Variants in MYO1F observed in about 807,000 individuals in gnomAD.
The protein encoded by MYO1F is unconventional myosin-If.
Under a neutral mutation model 146.6 loss-of-function variants are expected in MYO1F, and 60 were observed. The observed-to-expected ratio is 0.41, with a 90% confidence interval of 0.33 to 0.51. The LOEUF (loss-of-function observed/expected upper bound fraction) is 0.51, where lower values mean the gene tolerates loss of function less well. Among genes scored for constraint, MYO1F ranks in the 20% least tolerant of loss-of-function variants. The pLI is 0.25. For synonymous variants in MYO1F, 602 were observed against 602.1 expected (o/e 1.00, Z 0.00); for missense variants, 1,274 against 1,534.3 (o/e 0.83, Z 2.83).
In MYO1F at chr19:8,521,539, C is replaced by T. The variant is rs778479659; in HGVS notation, c.3286G>A (p.Glu1096Lys). 4.3e-6 allele frequency: 7 copies of T among 1,614,178 alleles called. No homozygotes were observed. Among genetic ancestry groups the T allele is most frequent in the Non-Finnish European group, 5.9e-6 (7 of 1,180,020 alleles). Reference protein sequence around the residue: ...QEGLFPGNYVEKI With the variant: ...QEGLFPGNYVKKI ...TCCCAGGGCCCAGCTCAGATCTTCT[C>T]CACGTAGTTTCCTGGGAAAAGGCCC... Residue 1096 changes from glutamate to lysine, a missense_variant, in exon 28 of 28, where the codon GAG (glutamate) becomes AAG (lysine). By Grantham distance (56) the Glu-to-Lys change is moderately conservative. Around this residue, in one of 2 missense-constraint regions of MYO1F, gnomAD observed 374 missense variants for 379.2 expected, o/e 0.99. Coordinates refer to ENST00000644032, the MANE Select transcript of MYO1F (RefSeq NM_012335.4).
intron 1 of MYO1F, among the ~76,000 whole-genome samples, chr19:8,573,837 G>A (rs781851806): frequency 4.6e-5 from 7 of 152,048 alleles, no homozygotes; most frequent in Non-Finnish European, 1.0e-4. Context: ...GTGACAGAGC[G>A]AGACTCTGTC....
intron 24 of MYO1F, among the ~76,000 whole-genome samples, chr19:8,526,252 G>T (rs961115184): frequency 2.6e-5 from 4 of 152,174 alleles, no homozygotes; most frequent in African/African-American, 9.6e-5. Flanking sequence ...GCTTGAACCC[G>T]GGTGGCGGAG....
At position 8,574,587 on chromosome 19, in the gene MYO1F, C is replaced by G. The variant is rs1481397438; in HGVS notation, c.3+2720G>C. ...TCTTTCTTTCTTTCTTTCTCTCTCT[C>G]TCTCTCTCTCTTTCTTTCTTTCTTT... On this transcript the variant is annotated intron_variant, in intron 1 of 27. Coordinates refer to ENST00000644032, the MANE Select transcript of MYO1F (RefSeq NM_012335.4). Among the ~76,000 whole-genome samples the G allele has an allele frequency of 1.3e-3, 110 of 81,542 alleles. 3 individuals are homozygous for G. The highest frequency in any genetic ancestry group is 5.9e-3 in the African/African-American group (104 of 17,568). The allele number at this position is 81,542 out of a possible 152,430, so 53.5% of individuals were successfully genotyped here.
In MYO1F at chr19:8,522,483, C is replaced by G. The variant is rs187667984; in HGVS notation, c.3114G>C (p.Gln1038His). The change falls in exon 27 of 28, where the codon CAG becomes CAC. Residue 1038 changes from glutamine (Q) to histidine (H), a missense_variant. Physicochemically the swap from Gln to His is conservative, Grantham distance 24. Coordinates refer to ENST00000644032, the MANE Select transcript of MYO1F (RefSeq NM_012335.4). ...GGCACCTGGGACCATGTGTCCGAGG[C>G]TGGGGCTTGGGTCGGCCCACACCAG... ...PVPGVGRPKP[Q>H]PRTHGPRCRA... 4.3e-6 allele frequency: 7 copies of G among 1,613,974 alleles called. No homozygotes were observed. In the Admixed American group the frequency reaches 1.2e-4, roughly 27 times the overall value.
At chr19:8,545,510 T>G (rs1446274555) in intron 13 of MYO1F, 140 bp downstream of exon 13, 1 of 766,316 alleles carries the variant, frequency 1.3e-6, no homozygotes, top group Non-Finnish European at 2.4e-6. Flanking sequence ...ATTTTGGTTG[T>G]TATCTGTCGC....
chr19:8,562,239 T>G lies in MYO1F; in HGVS notation c.4-6443A>C, dbSNP rs1050619031. ...GATGGTCTTGATCTCCTGACCTCGTTACCCGCCCGCCTTGGCCTCACAAAG... is the reference window on the plus strand; with the variant it reads ...GATGGTCTTGATCTCCTGACCTCGTGACCCGCCCGCCTTGGCCTCACAAAG... On this transcript the variant is annotated intron_variant, in intron 1 of 27. Transcript: ENST00000644032. Among the ~76,000 whole-genome samples, 6 of 151,734 alleles carry G rather than the reference T, an allele frequency of 4.0e-5. No individual in the cohort carries two copies. In the East Asian group the frequency reaches 5.8e-4, roughly 15 times the overall value.
intron 1 of MYO1F, among the ~76,000 whole-genome samples, chr19:8,574,646 CTT>C (rs2042195877): frequency 2.4e-5 from 1 of 41,884 alleles, no homozygotes; most frequent in Non-Finnish European, 5.1e-5. Context: ...TCTTTCTTTC[CTT>C]TCTTTCTCTT....
At chr19:8,559,631 T>G (rs1973994410) in intron 1 of MYO1F, among the ~76,000 whole-genome samples, 2 of 151,870 alleles carry the variant, frequency 1.3e-5, no homozygotes, top group African/African-American at 2.4e-5. Flanking sequence ...GTCGTGAGGA[T>G]AGACCGAGGC....
intron 19 of MYO1F, among the ~76,000 whole-genome samples, chr19:8,532,477 G>C (rs1972523601): frequency 1.3e-5 from 2 of 152,172 alleles, no homozygotes; most frequent in Non-Finnish European, 2.9e-5. Context: ...ACAATAGCAT[G>C]CCTGTCAGAG....
Position 8,527,266 on chromosome 19 carries a change from G to A in MYO1F, c.2474+72C>T, listed in dbSNP as rs985304519. 11 of 1,596,910 alleles carry A rather than the reference G, an allele frequency of 6.9e-6. No homozygotes were observed. In the African/African-American group the frequency reaches 1.1e-4, roughly 16 times the overall value. ...AGGTAAGATTGTCAGGGTAACAGAC[G>A]GGGTCACTAGAATGAGGGCAGCCAG... On this transcript the variant is annotated intron_variant, in intron 22 of 27. Transcript: ENST00000644032.
Position 8,545,642 on chromosome 19 carries a change from G to C in MYO1F, c.1356+8C>G. The C allele has an allele frequency of 6.2e-7, 1 of 1,612,824 alleles. No homozygotes were observed. The highest frequency in any genetic ancestry group is 8.5e-7 in the Non-Finnish European group (1 of 1,178,844). On this transcript the variant is annotated splice_region_variant and intron_variant, in intron 13 of 27. Transcript: ENST00000644032. ...AGACGCCCCCGCCAAAGTTGACCCA[G>C]CCCTCACCAGCTTGTTTTCGATGAG...
At position 8,521,493 on chromosome 19, in the gene MYO1F, C is replaced by A; in HGVS notation, c.*35G>T. 6.3e-7 allele frequency: 1 copy of A among 1,596,536 alleles called. No homozygotes were observed. The highest frequency in any genetic ancestry group is 1.1e-5 in the South Asian group (1 of 89,326). On this transcript the variant is annotated 3_prime_UTR_variant, in exon 28 of 28. Transcript: ENST00000644032. ...CCCACCAGGCCGGCAGGCAGATAGG[C>A]GGGCGAAAGAGAAGGCAGTATCCCA...
intron 12 of MYO1F, among the ~76,000 whole-genome samples, chr19:8,547,300 C>CA (rs1196814670): frequency 0.48 from 21,672 of 44,852 alleles, 5,643 homozygotes; most frequent in East Asian, 0.64. Flanking sequence ...GTTCCTGTCT[C>CA]AAAAAAAAAA....
intron 4 of MYO1F, among the ~76,000 whole-genome samples, chr19:8,553,924 G>T (rs7256582): frequency 0.052 from 3,339 of 63,644 alleles, 90 homozygotes; most frequent in African/African-American, 0.11. Flanking sequence ...TCTCTCTCTC[G>T]CTCTCTTTCT....
intron 1 of MYO1F, among the ~76,000 whole-genome samples, chr19:8,565,990 T>A (rs1600049913): frequency 1.3e-5 from 2 of 151,830 alleles, no homozygotes; most frequent in South Asian, 4.2e-4. Flanking sequence ...GCGCCTGTAG[T>A]CCCAGCCACT....
At position 8,540,769 on chromosome 19, in the gene MYO1F, C is replaced by T. The variant is rs118094937; in HGVS notation, c.1611-741G>A. 8.0e-3 allele frequency among the ~76,000 whole-genome samples: 1,213 copies of T among 151,342 alleles called. 5 individuals carry two copies. The highest frequency in any genetic ancestry group is 0.014 in the Middle Eastern group (4 of 286). On this transcript the variant is annotated intron_variant, in intron 15 of 27. Transcript: ENST00000644032. ...ATGGTTGCGCAATTCTGTGAATTTG[C>T]TAAACGTCATGGATTGAGACACTGC...
At chr19:8,522,881 T>A in intron 25 of MYO1F, 52 bp from the exon 26 acceptor site, 1 of 1,491,322 alleles carries the variant, frequency 6.7e-7, no homozygotes, top group Non-Finnish European at 9.0e-7. Flanking sequence ...CTAGGAGGAT[T>A]TGAGGAGGAC....
intron 14 of MYO1F, among the ~76,000 whole-genome samples, chr19:8,542,325 C>A (rs952903255): frequency 9.9e-6 from 1 of 101,332 alleles, no homozygotes; most frequent in Non-Finnish European, 1.9e-5. Context: ...AAAGTTATAG[C>A]TCAGATTGGT....
At chr19:8,544,144 G>T in intron 14 of MYO1F, 153 bp downstream of exon 14, 2 of 849,052 alleles carry the variant, frequency 2.4e-6, no homozygotes, top group Admixed American at 2.0e-5. Context: ...TTAGTAGGGG[G>T]TGGATTGAGG....
Sources: allele counts gnomAD v4.1 joint callset (sites outside exome capture counted in the v4.1 genomes callset), GRCh38; gene constraint gnomAD v4.1.1; regional missense constraint gnomAD v4.1.1; transcripts MANE v1.5; gene names NCBI Gene and HGNC (gene_info 2026-07-23, HGNC 2026-07-21).